EPHA6: variants seen among roughly 807,000 people sequenced by gnomAD.
EPHA6 encodes the protein ephrin type-A receptor 6.
Under a neutral mutation model 112.0 loss-of-function variants are expected in EPHA6, and 50 were observed. That is an observed-to-expected ratio of 0.45 (90% confidence interval 0.36 to 0.56). The LOEUF (loss-of-function observed/expected upper bound fraction) is 0.56. Ranked by LOEUF, EPHA6 falls within the 20% of genes least tolerant of loss-of-function variation. The pLI, the probability that EPHA6 is intolerant of heterozygous loss-of-function variation, is 0.00. For missense variants in EPHA6, 1,280 were observed against 1,417.4 expected, an observed-to-expected ratio of 0.90 and a Z score of 1.56; for synonymous variants, 529 against 490.7, an observed-to-expected ratio of 1.08 and a Z score of -1.03.
chr3:97,270,676 C>A (rs560353145), intron 5 of EPHA6, among the ~76,000 whole-genome samples: 4 of 152,328 alleles, frequency 2.6e-5, no homozygotes, highest in Admixed American at 6.5e-5. Flanking sequence ...TGCATCAAGA[C>A]TGACTGCTTT....
At chr3:97,036,434 G>A (rs79864743) in intron 3 of EPHA6, among the ~76,000 whole-genome samples, 2,121 of 152,070 alleles carry the variant, frequency 0.014, 61 homozygotes, top group African/African-American at 0.048. Context: ...TTCATGATGA[G>A]CAGAGCAAAA....
chr3:97,060,633 C>T (rs970426293), intron 3 of EPHA6, among the ~76,000 whole-genome samples: 2 of 152,056 alleles, frequency 1.3e-5, no homozygotes, highest in East Asian at 3.9e-4. Flanking sequence ...GAAAGTCGGC[C>T]GGGCGCGGTG....
At chr3:97,739,264 G>T (rs1220641290) in intron 16 of EPHA6, among the ~76,000 whole-genome samples, 1 of 151,960 alleles carries the variant, frequency 6.6e-6, no homozygotes, top group East Asian at 1.9e-4. Context: ...AAATTCTCCT[G>T]CACTTTCCTT....
intron 3 of EPHA6, among the ~76,000 whole-genome samples, chr3:97,190,977 A>G (rs1227955950): frequency 6.6e-6 from 1 of 152,056 alleles, no homozygotes; most frequent in Non-Finnish European, 1.5e-5. Flanking sequence ...GTATCTCTTG[A>G]ATGTATTTTT....
Position 97,251,433 on chromosome 3 carries a change from A to G in EPHA6, c.1606+7146A>G, listed in dbSNP as rs528888351. Among the ~76,000 whole-genome samples the G allele has an allele frequency of 1.3e-3, 201 of 151,902 alleles. 1 individual carries two copies. Among genetic ancestry groups the G allele is most frequent in the African/African-American group, 4.2e-3 (173 of 41,504 alleles). The stretch of plus-strand genomic sequence containing the variant: ...TAGTCCCAGCTACTCGGGAGGCTGA[A>G]TCAGGAGAATGGCCTGAACCCAGGA... On this transcript the variant is annotated intron_variant, in intron 5 of 17. Coordinates refer to ENST00000389672, the MANE Select transcript of EPHA6 (RefSeq NM_001080448.3).
chr3:97,182,279 C>A (rs988726902), intron 3 of EPHA6, among the ~76,000 whole-genome samples: 1 of 150,312 alleles, frequency 6.7e-6, no homozygotes, highest in Admixed American at 6.7e-5. Context: ...TTGCTTCCTG[C>A]TGACATTCCA....
intron 5 of EPHA6, among the ~76,000 whole-genome samples, chr3:97,278,434 TA>T (rs1273496454): frequency 2.6e-5 from 4 of 152,216 alleles, no homozygotes; most frequent in Admixed American, 6.5e-5. Flanking sequence ...TTAAAGTTTA[TA>T]AATTGAATAA....
chr3:97,631,341 C>A (rs561972439), intron 13 of EPHA6, among the ~76,000 whole-genome samples: 1 of 151,822 alleles, frequency 6.6e-6, no homozygotes, highest in Non-Finnish European at 1.5e-5. Flanking sequence ...AAAATGGGAA[C>A]GAGAGGCTTG....
At chr3:97,068,488 G>A (rs1384798080) in intron 3 of EPHA6, among the ~76,000 whole-genome samples, 1 of 152,130 alleles carries the variant, frequency 6.6e-6, no homozygotes, top group East Asian at 1.9e-4. Flanking sequence ...GCAAGCGACA[G>A]ATGAATAAAT....
chr3:97,456,673 A>G (rs2090697167), intron 7 of EPHA6, among the ~76,000 whole-genome samples: 1 of 152,176 alleles, frequency 6.6e-6, no homozygotes, highest in Non-Finnish European at 1.5e-5. Flanking sequence ...GAGATAATAT[A>G]TGGTCTCTGT....
chr3:97,215,141 G>A (rs1007097076), intron 3 of EPHA6, among the ~76,000 whole-genome samples: 1 of 152,114 alleles, frequency 6.6e-6, no homozygotes, highest in Non-Finnish European at 1.5e-5. Flanking sequence ...CAAACAATGA[G>A]AACCACACAG....
At chr3:97,095,199 G>C (rs200073461) in intron 3 of EPHA6, among the ~76,000 whole-genome samples, 3 of 151,848 alleles carry the variant, frequency 2.0e-5, no homozygotes, top group African/African-American at 7.3e-5. Flanking sequence ...TTTAATGATC[G>C]CCATTCTAAC....
At chr3:97,553,459 T>C (rs1186273823) in intron 11 of EPHA6, among the ~76,000 whole-genome samples, 1 of 152,106 alleles carries the variant, frequency 6.6e-6, no homozygotes, top group Non-Finnish European at 1.5e-5. Flanking sequence ...CAGTTCTGCA[T>C]CACTGGGGAG....
chr3:97,547,426 G>A (rs1461020271), intron 11 of EPHA6, among the ~76,000 whole-genome samples: 2 of 152,156 alleles, frequency 1.3e-5, no homozygotes, highest in Admixed American at 6.5e-5. Context: ...TCCTCTGAAA[G>A]TTTTGTCTCA....
chr3:97,185,835 T>C (rs570968385), intron 3 of EPHA6, among the ~76,000 whole-genome samples: 114 of 152,070 alleles, frequency 7.5e-4, no homozygotes, highest in African/African-American at 2.6e-3. Flanking sequence ...AATGATAGAC[T>C]GGATTAAGAA....
chr3:96,887,023 G>A lies in EPHA6; in HGVS notation c.450+20134G>A, dbSNP rs186386909. Among the ~76,000 whole-genome samples the A allele has an allele frequency of 1.6e-4, 25 of 152,172 alleles. No homozygotes were observed. In the East Asian group the frequency reaches 4.7e-3, roughly 28 times the overall value. On this transcript the variant is annotated intron_variant, in intron 2 of 17. Transcript: ENST00000389672. ...TTTGGATTTCATTGCATTGGGGTTC[G>A]CCTTCCTCTGGTCCCTCCCTGATTA...
rs372533674 is a variant in EPHA6 at position 97,328,054 on chromosome 3, C to CACACATAT, written c.1607-77095_1607-77094insCACATATA. Among the ~76,000 whole-genome samples, 15 of 120,870 alleles carry CACACATAT rather than the reference C, an allele frequency of 1.2e-4. 1 individual carries two copies. The highest frequency in any genetic ancestry group is 4.3e-3 in the Middle Eastern group (1 of 232). The allele number at this position is 120,870 out of a possible 152,430, so 79.3% of individuals were successfully genotyped here. A position where few individuals can be genotyped will look rare whatever the true frequency, so the allele number is the denominator to read the frequency against. ...GTGTATATATACACACATATATACACATATATATATATATATATATATATA... is the reference window on the plus strand; with the variant it reads ...GTGTATATATACACACATATATACACACACATATATATATATATATATATATATATATA... On this transcript the variant is annotated intron_variant, in intron 5 of 17. Transcript: ENST00000389672.
intron 14 of EPHA6, among the ~76,000 whole-genome samples, chr3:97,718,459 T>C (rs184149499): frequency 6.6e-6 from 1 of 151,608 alleles, no homozygotes; most frequent in African/African-American, 2.4e-5. Flanking sequence ...AATGATTTGG[T>C]TTTTTTTAAG....
intron 2 of EPHA6, among the ~76,000 whole-genome samples, chr3:96,968,507 A>G (rs189944398): frequency 6.6e-6 from 1 of 151,820 alleles, no homozygotes; most frequent in African/African-American, 2.4e-5. Context: ...TATTGGATTA[A>G]TTAGAAGTAT....
Sources: gnomAD v4.1 joint callset for allele counts (sites outside exome capture counted in the v4.1 genomes callset) on GRCh38, gnomAD v4.1.1 for gene constraint, MANE v1.5 for transcripts, NCBI Gene and HGNC (gene_info 2026-07-23, HGNC 2026-07-21) for gene names.